AKAP10: variants seen among roughly 807,000 people sequenced by gnomAD.
AKAP10 encodes the protein A-kinase anchoring protein 10, also known as A-kinase anchor protein 10, mitochondrial.
In AKAP10, 24 loss-of-function variants were observed where a neutral mutation model predicts 80.8. The ratio of observed to expected loss-of-function variants is 0.30; its 90% CI spans 0.22 to 0.42. The LOEUF (loss-of-function observed/expected upper bound fraction) is 0.42, where lower values mean the gene tolerates loss of function less well. AKAP10 is among the 10% of genes least tolerant of loss of function. AKAP10 has a pLI of 1.00. For synonymous variants in AKAP10, 291 were observed against 277.7 expected (o/e 1.05, Z -0.48); for missense variants, 661 against 794.9 (o/e 0.83, Z 2.03).
At chr17:19,946,105 GTATATA>G (rs56812794) in intron 5 of AKAP10, among the ~76,000 whole-genome samples, 1 of 128,832 alleles carries the variant, frequency 7.8e-6, no homozygotes, top group African/African-American at 3.0e-5. Flanking sequence ...TTTTATTCTA[GTATATA>G]TATATATACA....
chr17:19,967,610 T>C (rs944287212), intron 2 of AKAP10, among the ~76,000 whole-genome samples: 10 of 152,212 alleles, frequency 6.6e-5, no homozygotes, highest in African/African-American at 2.4e-4. Context: ...TGGCCAGGCA[T>C]GGTGGCTCAC....
At chr17:19,960,242 T>C (rs1262634698) in intron 3 of AKAP10, among the ~76,000 whole-genome samples, 1 of 152,230 alleles carries the variant, frequency 6.6e-6, no homozygotes, top group Non-Finnish European at 1.5e-5. Context: ...TTCTTGTTTT[T>C]AGTTCTTTGT....
intron 1 of AKAP10, among the ~76,000 whole-genome samples, chr17:19,976,992 T>C (rs1427764290): frequency 6.6e-6 from 1 of 152,130 alleles, no homozygotes; most frequent in Non-Finnish European, 1.5e-5. Context: ...CAACTGGAAA[T>C]CAAAAATGTA....
At chr17:19,974,913 T>C in intron 1 of AKAP10, among the ~76,000 whole-genome samples, 1 of 152,112 alleles carries the variant, frequency 6.6e-6, no homozygotes, top group African/African-American at 2.4e-5. Flanking sequence ...CAGGTGATCC[T>C]CCTGTCTCAG....
At chr17:19,939,153 G>A (rs1193250023) in intron 8 of AKAP10, among the ~76,000 whole-genome samples, 2 of 152,138 alleles carry the variant, frequency 1.3e-5, no homozygotes, top group Non-Finnish European at 2.9e-5. Flanking sequence ...ACTGTATGAT[G>A]TTTCCATCCT....
At chr17:19,927,378 A>G (rs772743489) in intron 10 of AKAP10, among the ~76,000 whole-genome samples, 4 of 152,156 alleles carry the variant, frequency 2.6e-5, no homozygotes, top group Admixed American at 2.0e-4. Context: ...CTTTTTTAAA[A>G]GGTAGAGGAA....
chr17:19,939,097 G>A (rs2043025489), intron 8 of AKAP10, among the ~76,000 whole-genome samples: 1 of 152,106 alleles, frequency 6.6e-6, no homozygotes, highest in African/African-American at 2.4e-5. Flanking sequence ...TACAGAGCTG[G>A]CCACAAGCTC....
chr17:19,931,854 C>T lies in AKAP10; in HGVS notation c.1592G>A (p.Gly531Asp). The stretch of plus-strand genomic sequence containing the variant: ...CCCTGGGTGAGACTCATCAGGAGGG[C>T]CAACAGAGCCAGGAGCAGTCAGCGA... The part of the protein sequence containing the change: ...NVSLTAPGSV[G>D]PPDESHPGSS... The change falls in exon 10 of 15, where the codon GGC (glycine) becomes GAC (aspartate). Residue 531 changes from glycine (G) to aspartate (D), a missense_variant. Gly to Asp is a moderately conservative substitution (Grantham distance 94). Transcript: ENST00000225737. The T allele has an allele frequency of 6.2e-7, 1 of 1,614,050 alleles. No homozygotes were observed. Among genetic ancestry groups the T allele is most frequent in the Non-Finnish European group, 8.5e-7 (1 of 1,180,024 alleles).
intron 12 of AKAP10, among the ~76,000 whole-genome samples, chr17:19,919,433 C>G (rs2042786040): frequency 6.6e-6 from 1 of 152,054 alleles, no homozygotes; most frequent in African/African-American, 2.4e-5. Flanking sequence ...CTTGTAATCC[C>G]AGCACTTTGG....
rs562267760 is a variant in AKAP10, at chr17:19,974,174, A to C, written c.88+3418T>G. Among the ~76,000 whole-genome samples the C allele has an allele frequency of 1.2e-4, 19 of 152,298 alleles. 1 individual carries two copies. Among genetic ancestry groups the C allele is most frequent in the African/African-American group, 4.1e-4 (17 of 41,568 alleles). The stretch of plus-strand genomic sequence containing the variant: ...CCACTGCACTCCAGCTTGAACGATA[A>C]GAGCGAAACTCCATCTCAAAAAAAA... On this transcript the variant is annotated intron_variant, in intron 1 of 14. Transcript: ENST00000225737.
intron 10 of AKAP10, among the ~76,000 whole-genome samples, chr17:19,924,856 C>T (rs1370461643): frequency 2.0e-5 from 3 of 152,064 alleles, no homozygotes; most frequent in Non-Finnish European, 2.9e-5. Flanking sequence ...GCTGGGATTA[C>T]AGGTATGAGC....
chr17:19,958,684 C>CTTTAG, intron 3 of AKAP10, 113 bp from the exon 4 acceptor site: 1 of 854,686 alleles, frequency 1.2e-6, no homozygotes, highest in Non-Finnish European at 1.7e-6. Flanking sequence ...ATAAAGTTTA[C>CTTTAG]TTCCTAGCAA....
chr17:19,912,575 G>A lies in AKAP10; in HGVS notation c.1835-2597C>T, dbSNP rs567308779. On this transcript the variant is annotated intron_variant, in intron 12 of 14. Coordinates refer to ENST00000225737, the MANE Select transcript of AKAP10 (RefSeq NM_007202.4). Reference sequence around the variant, plus strand: ...ACGAAACAAAAACAGAAAATTAGCTGGGCGTGGTGACACGTGCCTGTAATC... The same window carrying A: ...ACGAAACAAAAACAGAAAATTAGCTAGGCGTGGTGACACGTGCCTGTAATC... Among the ~76,000 whole-genome samples the A allele has an allele frequency of 3.9e-5, 6 of 152,016 alleles. No individual in the cohort carries two copies. The East Asian group carries it at 1.2e-3, about 29-fold the overall frequency.
At chr17:19,969,807 A>G (rs2043471727) in intron 1 of AKAP10, among the ~76,000 whole-genome samples, 1 of 152,198 alleles carries the variant, frequency 6.6e-6, no homozygotes, top group South Asian at 2.1e-4. Context: ...CTAACATGAA[A>G]AAAATAAATA....
At position 19,906,166 on chromosome 17, in the gene AKAP10, A is replaced by G; in HGVS notation, c.*61T>C. Reference sequence around the variant, plus strand: ...TTCATTGGCTGTGTTGAAGAATCCAACCAAGGGAAAAAAGTTCTCTTATTT... The same window carrying G: ...TTCATTGGCTGTGTTGAAGAATCCAGCCAAGGGAAAAAAGTTCTCTTATTT... On this transcript the variant is annotated 3_prime_UTR_variant, in exon 15 of 15. Transcript: ENST00000225737. 1.3e-6 allele frequency: 2 copies of G among 1,556,238 alleles called. No homozygotes were observed. The highest frequency in any genetic ancestry group is 1.8e-6 in the Non-Finnish European group (2 of 1,130,534).
chr17:19,961,730 A>T (rs1018782323), intron 3 of AKAP10, among the ~76,000 whole-genome samples: 1 of 152,204 alleles, frequency 6.6e-6, no homozygotes, highest in African/African-American at 2.4e-5. Flanking sequence ...ACTTATTTTA[A>T]TATAACGGAT....
chr17:19,973,308 C>T (rs1057408370), intron 1 of AKAP10, among the ~76,000 whole-genome samples: 3 of 152,192 alleles, frequency 2.0e-5, no homozygotes, highest in Non-Finnish European at 2.9e-5. Flanking sequence ...GTAGCACAGC[C>T]ATGCCCATTT....
At chr17:19,947,574 G>A (rs771327110) in intron 4 of AKAP10, 69 bp from the exon 5 acceptor site, 24 of 1,005,600 alleles carry the variant, frequency 2.4e-5, no homozygotes, top group Non-Finnish European at 3.8e-5. Flanking sequence ...TTATATTCAT[G>A]AATAGCAGGG....
At chr17:19,938,217 G>A (rs1276878753) in intron 8 of AKAP10, among the ~76,000 whole-genome samples, 3 of 144,980 alleles carry the variant, frequency 2.1e-5, no homozygotes. Flanking sequence ...GTGAGCCACC[G>A]GTACCCAGAC....
Sources: gnomAD v4.1 joint callset for allele counts (sites outside exome capture counted in the v4.1 genomes callset) on GRCh38, gnomAD v4.1.1 for gene constraint, MANE v1.5 for transcripts, NCBI Gene and HGNC (gene_info 2026-07-23, HGNC 2026-07-21) for gene names.